Variants in DPF3 observed in about 807,000 individuals in gnomAD.
DPF3 encodes zinc finger protein DPF3.
Under a neutral mutation model 56.8 loss-of-function variants are expected in DPF3, and 18 were observed. That is an observed-to-expected ratio of 0.32 (90% CI 0.22 to 0.47). The LOEUF is 0.47. Ranked by LOEUF, DPF3 falls within the 20% of genes least tolerant of loss-of-function variation. The pLI is 1.00. For missense variants in DPF3, 403 were observed against 488.8 expected (o/e 0.82, Z 1.65); for synonymous variants, 188 against 180.2 (o/e 1.04, Z -0.35).
intron 1 of DPF3, among the ~76,000 whole-genome samples, chr14:72,834,778 A>C (rs1013075721): frequency 9.9e-5 from 15 of 152,242 alleles, no homozygotes; most frequent in African/African-American, 3.4e-4. Context: ...CATAACAGCC[A>C]AAAAGCAGAG....
intron 1 of DPF3, among the ~76,000 whole-genome samples, chr14:72,779,178 C>A (rs1891868018): frequency 6.6e-6 from 1 of 152,220 alleles, no homozygotes; most frequent in African/African-American, 2.4e-5. Flanking sequence ...TAAATTACAG[C>A]AGGAAGGCTA....
intron 9 of DPF3, among the ~76,000 whole-genome samples, chr14:72,623,077 A>G (rs993791481): frequency 3.3e-5 from 5 of 152,254 alleles, no homozygotes; most frequent in Non-Finnish European, 7.3e-5. Flanking sequence ...GAGAAAACAT[A>G]TATACTTGTT....
chr14:72,794,919 A>C (rs1599447824), intron 1 of DPF3, among the ~76,000 whole-genome samples: 1 of 151,550 alleles, frequency 6.6e-6, no homozygotes, highest in African/African-American at 2.4e-5. Context: ...TGTCACTTCT[A>C]CCTCCACTTC....
intron 1 of DPF3, among the ~76,000 whole-genome samples, chr14:72,796,178 G>GTATGTAACTTATCTGAGC (rs1217654126): frequency 2.0e-5 from 3 of 152,190 alleles, no homozygotes; most frequent in African/African-American, 7.2e-5. Flanking sequence ...CTTTAAGAAA[G>GTATGTAACTTATCTGAGC]TATGTAACTT....
At chr14:72,877,316 A>G (rs1198749618) in intron 1 of DPF3, among the ~76,000 whole-genome samples, 1 of 152,136 alleles carries the variant, frequency 6.6e-6, no homozygotes, top group Admixed American at 6.6e-5. Context: ...AGAGAGGTGG[A>G]GATGCTGTGG....
At chr14:72,633,705 C>T (rs564489957) in intron 8 of DPF3, among the ~76,000 whole-genome samples, 1 of 152,260 alleles carries the variant, frequency 6.6e-6, no homozygotes, top group African/African-American at 2.4e-5. Flanking sequence ...ATGCCATCTT[C>T]CCAAGGAAGG....
Position 72,664,960 on chromosome 14 carries a change from G to A in DPF3, c.871+9280C>T, listed in dbSNP as rs74062334. ...ATGCTATGGAATGGTACTTAGGCGG[G>A]TTTTCAAATGGTGATTTTTGCCATT... On this transcript the variant is annotated intron_variant, in intron 8 of 10. Transcript: ENST00000556509. Among the ~76,000 whole-genome samples, 1,189 of 152,246 alleles carry A rather than the reference G, an allele frequency of 7.8e-3. 17 individuals are homozygous for A. Among genetic ancestry groups the A allele is most frequent in the African/African-American group, 0.027 (1,113 of 41,524 alleles).
At chr14:72,855,165 C>T (rs1488754374) in intron 1 of DPF3, among the ~76,000 whole-genome samples, 2 of 152,144 alleles carry the variant, frequency 1.3e-5, no homozygotes, top group African/African-American at 2.4e-5. Context: ...CTGACTGGCC[C>T]GGTGACGATC....
chr14:72,846,398 C>T (rs1884761721), intron 1 of DPF3, among the ~76,000 whole-genome samples: 2 of 134,694 alleles, frequency 1.5e-5, no homozygotes, highest in East Asian at 2.2e-4. Flanking sequence ...TGCAGTGGTG[C>T]GATCTCGGCT....
chr14:72,718,433 T>C (rs894941295), intron 5 of DPF3, among the ~76,000 whole-genome samples: 1 of 152,166 alleles, frequency 6.6e-6, no homozygotes, highest in Non-Finnish European at 1.5e-5. Flanking sequence ...ACTATTTTCA[T>C]AGGAGTCCTA....
chr14:72,689,963 G>A (rs1034137871), intron 7 of DPF3, among the ~76,000 whole-genome samples: 2 of 152,194 alleles, frequency 1.3e-5, no homozygotes, highest in African/African-American at 4.8e-5. Context: ...TCTTCGTGTG[G>A]GGAGGCCCCG....
intron 9 of DPF3, 35 bp from the exon 10 acceptor site, chr14:72,620,019 G>T: frequency 6.6e-7 from 1 of 1,503,884 alleles, no homozygotes; most frequent in Non-Finnish European, 8.8e-7. Context: ...GAGGAGGAGA[G>T]ATTCCATTAT....
chr14:72,795,992 C>T (rs961549196), intron 1 of DPF3, among the ~76,000 whole-genome samples: 8 of 152,208 alleles, frequency 5.3e-5, no homozygotes, highest in Non-Finnish European at 1.2e-4. Flanking sequence ...ATCTTTCTGC[C>T]TTCCAATTCT....
At chr14:72,776,154 C>G (rs1332436152) in intron 1 of DPF3, among the ~76,000 whole-genome samples, 1 of 152,114 alleles carries the variant, frequency 6.6e-6, no homozygotes, top group African/African-American at 2.4e-5. Flanking sequence ...CCAGCCATCA[C>G]CTGCATGCAC....
intron 8 of DPF3, among the ~76,000 whole-genome samples, chr14:72,650,825 G>A (rs1272118091): frequency 6.6e-6 from 1 of 152,136 alleles, no homozygotes; most frequent in Non-Finnish European, 1.5e-5. Flanking sequence ...GTGTGGGTGG[G>A]AGGTATACAA....
At chr14:72,836,596 TC>T (rs1207041877) in intron 1 of DPF3, 20 of 917,784 alleles carry the variant, frequency 2.2e-5, no homozygotes, top group Admixed American at 6.2e-5. Flanking sequence ...GATGAATTTT[TC>T]CCCCTTTTCT....
chr14:72,861,747 GAA>G (rs746864008), intron 1 of DPF3, among the ~76,000 whole-genome samples: 1,609 of 15,370 alleles, frequency 0.1, 14 homozygotes, highest in African/African-American at 0.18. Context: ...GAGAAAGAAA[GAA>G]AGAAAGAAAG....
At position 72,624,333 on chromosome 14, in the gene DPF3, C is replaced by CTTTTTTTTTTTTTTTTTTTTTTTT. The variant is rs55820708; in HGVS notation, c.985-4350_985-4349insAAAAAAAAAAAAAAAAAAAAAAAA. On this transcript the variant is annotated intron_variant, in intron 9 of 10. Transcript: ENST00000556509. ...TTCTCCAGTTTTCCCACCTATGTCT[C>CTTTTTTTTTTTTTTTTTTTTTTTT]TTTTTTTTTTTTTTTTTTTTTCTGA... Among the ~76,000 whole-genome samples the CTTTTTTTTTTTTTTTTTTTTTTTT allele has an allele frequency of 5.1e-5, 5 of 97,796 alleles. 1 individual carries two copies. The highest frequency in any genetic ancestry group is 7.7e-5 in the African/African-American group (2 of 25,812). 64.2% of individuals were successfully genotyped at this position (97,796 alleles called of 152,430 possible).
chr14:72,702,312 C>T (rs1888204258), intron 6 of DPF3, among the ~76,000 whole-genome samples: 1 of 152,136 alleles, frequency 6.6e-6, no homozygotes, highest in African/African-American at 2.4e-5. Context: ...CCCTGCCCTG[C>T]CTGGGCACTG....
Sources: allele counts gnomAD v4.1 joint callset (sites outside exome capture counted in the v4.1 genomes callset), GRCh38; gene constraint gnomAD v4.1.1; transcripts MANE v1.5; gene names NCBI Gene and HGNC (gene_info 2026-07-23, HGNC 2026-07-21).